NPRL3: variants seen among roughly 807,000 people sequenced by gnomAD.
NPRL3 encodes GATOR1 complex protein NPRL3.
In NPRL3, 23 loss-of-function variants were observed where a neutral mutation model predicts 57.2. The ratio of observed to expected loss-of-function variants is 0.40; its 90% CI spans 0.29 to 0.57. The LOEUF is 0.57. Ranked by LOEUF, NPRL3 falls within the 20% of genes least tolerant of loss-of-function variation. The pLI is 0.42. For synonymous variants in NPRL3, 333 were observed against 321.1 expected (o/e 1.04, Z -0.39); for missense variants, 691 against 767.1 (o/e 0.90, Z 1.17).
chr16:138,015 T>G, intron 2 of NPRL3, 135 bp downstream of exon 2: 1 of 644,074 alleles, frequency 1.6e-6, no homozygotes, highest in South Asian at 2.1e-5. Context: ...CTTTTTCTAC[T>G]TTTCAAATAC....
rs1356130663 is a variant in NPRL3 at position 114,961 on chromosome 16, T to TA, written c.394-2187dup. Among the ~76,000 whole-genome samples the TA allele has an allele frequency of 2.1e-3, 296 of 140,290 alleles. 1 individual carries two copies. Among genetic ancestry groups the TA allele is most frequent in the African/African-American group, 5.8e-3 (224 of 38,460 alleles). 92.0% of individuals were successfully genotyped at this position (140,290 alleles called of 152,430 possible). A position where few individuals can be genotyped will look rare whatever the true frequency, so the allele number is the denominator to read the frequency against. ...TTTCAGGGTTTAAAATTTTTCAGAG[T>TA]AAAAAAAAAAAAGTGTATTTCTTTT... On this transcript the variant is annotated intron_variant, in intron 5 of 13. Coordinates refer to ENST00000611875, the MANE Select transcript of NPRL3 (RefSeq NM_001077350.3).
chr16:88,669 CCA>C, intron 13 of NPRL3, 27 bp downstream of exon 13: 2 of 1,584,854 alleles, frequency 1.3e-6, no homozygotes, highest in Non-Finnish European at 1.7e-6. Context: ...GCAACTGGCC[CCA>C]GTCCCAACGG....
intron 3 of NPRL3, among the ~76,000 whole-genome samples, chr16:121,829 C>T (rs1319306363): frequency 6.7e-6 from 1 of 150,104 alleles, no homozygotes; most frequent in African/African-American, 2.4e-5. Flanking sequence ...GGCTGGAGTG[C>T]AATGACGTAA....
In NPRL3 at chr16:138,312, A is replaced by ACGGAGC. The variant is rs759326133; in HGVS notation, c.-51_-46dup. ...CGGGGGCGGAGGGGGCCAGAGGAGG[A>ACGGAGC]CGGAGCCGGAGGCGGAGGGGGCCTG... On this transcript the variant is annotated 5_prime_UTR_variant, in exon 2 of 14. Coordinates refer to ENST00000611875, the MANE Select transcript of NPRL3 (RefSeq NM_001077350.3). The ACGGAGC allele has an allele frequency of 9.9e-6, 9 of 907,920 alleles. No homozygotes were observed. In the Admixed American group the frequency reaches 3.3e-4, roughly 34 times the overall value. 56.2% of individuals were successfully genotyped at this position (907,920 alleles called of 1,614,324 possible). A position where few individuals can be genotyped will look rare whatever the true frequency, so the allele number is the denominator to read the frequency against.
At position 128,993 on chromosome 16, in the gene NPRL3, A is replaced by T. The variant is rs555850057; in HGVS notation, c.188+1529T>A. 3.3e-5 allele frequency among the ~76,000 whole-genome samples: 5 copies of T among 152,334 alleles called. No individual in the cohort carries two copies. In the South Asian group the frequency reaches 1.0e-3, roughly 32 times the overall value. On this transcript the variant is annotated intron_variant, in intron 3 of 13. Transcript: ENST00000611875. Reference sequence around the variant, plus strand: ...ATATATGATGTGCTAAAATTACTGAATGAAGCAATTCTTCAATAAAAGATT... The same window carrying T: ...ATATATGATGTGCTAAAATTACTGATTGAAGCAATTCTTCAATAAAAGATT...
At chr16:112,551 A>G in intron 6 of NPRL3, 71 bp downstream of exon 6, 1 of 1,356,190 alleles carries the variant, frequency 7.4e-7, no homozygotes, top group Non-Finnish European at 9.6e-7. Context: ...CAGCCCCTCC[A>G]CAGAGGTCTG....
At chr16:106,808 G>A (rs1445352040) in intron 7 of NPRL3, among the ~76,000 whole-genome samples, 2 of 152,102 alleles carry the variant, frequency 1.3e-5, no homozygotes, top group Admixed American at 6.6e-5. Context: ...TAGGTCACCT[G>A]ATCAGTAATG....
chr16:87,880 T>G (rs1229288955), intron 13 of NPRL3, among the ~76,000 whole-genome samples: 2 of 151,844 alleles, frequency 1.3e-5, no homozygotes, highest in East Asian at 3.9e-4. Flanking sequence ...TTTTTTTTTT[T>G]TTTTTTTAAT....
In NPRL3 at chr16:85,745, G is replaced by A. The variant is rs766178818; in HGVS notation, c.*960C>T. ...GGGCAGCCCCTGGGTCAGTGTGGTC[G>A]ACAGAGTGGCTGAGCAGGACACACA... On this transcript the variant is annotated 3_prime_UTR_variant, in exon 14 of 14. Transcript: ENST00000611875. The A allele has an allele frequency of 1.8e-5, 27 of 1,514,446 alleles. No individual in the cohort carries two copies. In the African/African-American group the frequency reaches 2.4e-4, roughly 13 times the overall value. The allele number at this position is 1,514,446 out of a possible 1,614,324, so 93.8% of individuals were successfully genotyped here.
chr16:90,106 CA>C, intron 11 of NPRL3: 1 of 551,476 alleles, frequency 1.8e-6, no homozygotes, highest in Non-Finnish European at 3.1e-6. Context: ...GGAGAGGGGC[CA>C]GGGGAACATC....
Position 85,703 on chromosome 16 carries a change from C to T in NPRL3, c.*1002G>A, listed in dbSNP as rs747967803. 3 of 1,541,052 alleles carry T rather than the reference C, an allele frequency of 1.9e-6. No homozygotes were observed. The South Asian group carries it at 3.7e-5, about 19-fold the overall frequency. ...TGCAGGGGAGTGGGCCCGGAAACCCCTCCGCTTCTATGTCCGGGGCAGCCC... is the reference window on the plus strand; with the variant it reads ...TGCAGGGGAGTGGGCCCGGAAACCCTTCCGCTTCTATGTCCGGGGCAGCCC... On this transcript the variant is annotated 3_prime_UTR_variant, in exon 14 of 14. Transcript: ENST00000611875.
chr16:123,204 T>C (rs2141967302), intron 3 of NPRL3, among the ~76,000 whole-genome samples: 1 of 152,232 alleles, frequency 6.6e-6, no homozygotes, highest in East Asian at 1.9e-4. Context: ...CAGGACTACT[T>C]GTGCCTACCT....
intron 8 of NPRL3, among the ~76,000 whole-genome samples, chr16:100,108 C>G (rs1246595067): frequency 6.6e-6 from 1 of 152,070 alleles, no homozygotes; most frequent in Non-Finnish European, 1.5e-5. Context: ...CAAGGACACT[C>G]AGCCCCACAT....
At chr16:91,540 C>G (rs1338128066) in intron 11 of NPRL3, among the ~76,000 whole-genome samples, 1 of 152,164 alleles carries the variant, frequency 6.6e-6, no homozygotes, top group Non-Finnish European at 1.5e-5. Context: ...AAGGGAGCAC[C>G]AGCAGCTCCT....
Position 85,830 on chromosome 16 carries a change from G to A in NPRL3, c.*875C>T. The A allele has an allele frequency of 4.2e-6, 6 of 1,431,580 alleles. 1 individual carries two copies. Among genetic ancestry groups the A allele is most frequent in the East Asian group, 2.5e-5 (1 of 39,906 alleles). The allele number at this position is 1,431,580 out of a possible 1,614,324, so 88.7% of individuals were successfully genotyped here. A position where few individuals can be genotyped will look rare whatever the true frequency, so the allele number is the denominator to read the frequency against. On this transcript the variant is annotated 3_prime_UTR_variant, in exon 14 of 14. Transcript: ENST00000611875. ...TTAATTGTTTAAAAACCGAATAAAT[G>A]TTTTATTTCTAGAAAACTGTGCCTT...
At chr16:130,066 C>A (rs376339818) in intron 3 of NPRL3, among the ~76,000 whole-genome samples, 3 of 152,274 alleles carry the variant, frequency 2.0e-5, no homozygotes, top group South Asian at 2.1e-4. Context: ...AAGGTTCACA[C>A]CATCCCAGCT....
chr16:111,732 C>T (rs1265302494), intron 6 of NPRL3, among the ~76,000 whole-genome samples: 1 of 152,166 alleles, frequency 6.6e-6, no homozygotes, highest in Non-Finnish European at 1.5e-5. Context: ...GGATTACAGG[C>T]ATGAGCCACC....
At position 86,353 on chromosome 16, in the gene NPRL3, G is replaced by GATCTCGGTGGT; in HGVS notation, c.*351_*352insACCACCGAGAT. 1 of 259,058 alleles carries GATCTCGGTGGT rather than the reference G, an allele frequency of 3.9e-6. No individual in the cohort carries two copies. Among genetic ancestry groups the GATCTCGGTGGT allele is most frequent in the Non-Finnish European group, 7.5e-6 (1 of 132,524 alleles). 16.0% of individuals were successfully genotyped at this position (259,058 alleles called of 1,614,324 possible). A position where few individuals can be genotyped will look rare whatever the true frequency, so the allele number is the denominator to read the frequency against. ...CTGGGGGGTCCAAGGAGCAGGTGTAGGGACAGAAGGAGGGTCTGAGAAACG... is the reference window on the plus strand; with the variant it reads ...CTGGGGGGTCCAAGGAGCAGGTGTAGATCTCGGTGGTGGACAGAAGGAGGGTCTGAGAAACG... On this transcript the variant is annotated 3_prime_UTR_variant, in exon 14 of 14. Coordinates refer to ENST00000611875, the MANE Select transcript of NPRL3 (RefSeq NM_001077350.3).
chr16:88,500 C>T (rs189684929), intron 13 of NPRL3, among the ~76,000 whole-genome samples, 198 bp downstream of exon 13: 25 of 152,282 alleles, frequency 1.6e-4, no homozygotes, highest in African/African-American at 5.5e-4. Context: ...GCCCATGGCC[C>T]GGCGTCTTGG....
Sources: gnomAD v4.1 joint callset for allele counts (sites outside exome capture counted in the v4.1 genomes callset) on GRCh38, gnomAD v4.1.1 for gene constraint, MANE v1.5 for transcripts, NCBI Gene and HGNC (gene_info 2026-07-23, HGNC 2026-07-21) for gene names.